Variants in DTX2 observed in about 807,000 individuals in gnomAD.
DTX2 encodes deltex E3 ubiquitin ligase 2.
In DTX2, 29 loss-of-function variants were observed where a neutral mutation model predicts 55.3. The observed-to-expected ratio is 0.52, with a 90% CI of 0.39 to 0.71. The LOEUF (loss-of-function observed/expected upper bound fraction) is 0.71, where lower values mean the gene tolerates loss of function less well. Ranked by LOEUF, DTX2 falls within the 30% of genes least tolerant of loss-of-function variation. The pLI, the probability that DTX2 is intolerant of heterozygous loss-of-function variation, is 0.00. For synonymous variants in DTX2, 276 were observed against 340.4 expected (o/e 0.81, Z 2.08); for missense variants, 537 against 822.5 (o/e 0.65, Z 4.25).
At chr7:76,502,128 C>T (rs1013367597) in intron 7 of DTX2, 170 bp from the exon 8 acceptor site, 12 of 595,758 alleles carry the variant, frequency 2.0e-5, no homozygotes, top group Non-Finnish European at 3.2e-5. Context: ...CTCAAGTGAT[C>T]GGCCTCCTAG....
Position 76,490,924 on chromosome 7 carries a change from C to T in DTX2, c.909-1229C>T, listed in dbSNP as rs1205748952. Among the ~76,000 whole-genome samples, 12 of 133,852 alleles carry T rather than the reference C, an allele frequency of 9.0e-5. No individual in the cohort carries two copies. In the South Asian group the frequency reaches 3.0e-3, roughly 34 times the overall value. 87.8% of individuals were successfully genotyped at this position (133,852 alleles called of 152,430 possible). A position where few individuals can be genotyped will look rare whatever the true frequency, so the allele number is the denominator to read the frequency against. On this transcript the variant is annotated intron_variant, in intron 4 of 10. Transcript: ENST00000430490. ...CTGACCTGTCTTTTACTGGTGATGA[C>T]GGTCATGATCATTTGCTAAAGTGGT...
intron 6 of DTX2, among the ~76,000 whole-genome samples, chr7:76,498,892 T>G: frequency 1.9e-5 from 1 of 51,566 alleles, no homozygotes; most frequent in Non-Finnish European, 3.4e-5. Flanking sequence ...GTGTGGGGTG[T>G]ATGGAGGTGT....
At position 76,505,936 on chromosome 7, in the gene DTX2, T is replaced by C. The variant is rs1812299524; in HGVS notation, c.*335T>C. On this transcript the variant is annotated 3_prime_UTR_variant, in exon 11 of 11. Transcript: ENST00000430490. The surrounding 1 kb of genome is among the most constrained non-coding windows in gnomAD (Gnocchi z 4.4). The stretch of plus-strand genomic sequence containing the variant: ...TTCCCCAGCCTGGACGGGCGTGGGT[T>C]CTGGGTCAGCTTCTTTTACCTCAAT... The C allele has an allele frequency of 2.1e-6, 1 of 482,384 alleles. No homozygotes were observed. The allele number at this position is 482,384 out of a possible 1,614,324, so 29.9% of individuals were successfully genotyped here.
At chr7:76,494,642 G>A (rs1370106468) in intron 5 of DTX2, among the ~76,000 whole-genome samples, 3 of 105,224 alleles carry the variant, frequency 2.9e-5, no homozygotes, top group African/African-American at 7.8e-5. Flanking sequence ...GTCTGTCCCC[G>A]TTGCTCTCAG....
intron 8 of DTX2, among the ~76,000 whole-genome samples, chr7:76,503,157 G>A (rs1032892817): frequency 3.0e-4 from 45 of 152,336 alleles, no homozygotes; most frequent in African/African-American, 1.1e-3. Flanking sequence ...CGATTCACCC[G>A]TGGAGATTTC....
intron 2 of DTX2, chr7:76,474,882 C>T (rs1430131652): frequency 1.3e-5 from 2 of 152,172 alleles, no homozygotes; most frequent in East Asian, 3.9e-4. Flanking sequence ...AGTAGAACAG[C>T]AGCATTCCAT....
intron 2 of DTX2, among the ~76,000 whole-genome samples, chr7:76,479,374 A>C (rs1438708982): frequency 9.8e-6 from 1 of 102,312 alleles, no homozygotes; most frequent in Non-Finnish European, 2.1e-5. Flanking sequence ...GTGCCCATCT[A>C]GGGCTTCCTT....
chr7:76,495,406 T>C (rs1037440985), intron 5 of DTX2, among the ~76,000 whole-genome samples: 14 of 151,524 alleles, frequency 9.2e-5, no homozygotes, highest in African/African-American at 3.4e-4. Flanking sequence ...CCCAGATGGG[T>C]GGAGAAAAAG....
At chr7:76,472,841 C>A (rs1808103681) in intron 2 of DTX2, among the ~76,000 whole-genome samples, 1 of 152,192 alleles carries the variant, frequency 6.6e-6, no homozygotes, top group Non-Finnish European at 1.5e-5. Flanking sequence ...TTGCCCTATG[C>A]TTCTGTTTTA....
At chr7:76,501,689 G>A (rs553600677) in intron 7 of DTX2, among the ~76,000 whole-genome samples, 2 of 152,034 alleles carry the variant, frequency 1.3e-5, no homozygotes, top group East Asian at 1.9e-4. Context: ...CCTCTTCCGG[G>A]TGCCCACTCT....
Position 76,505,068 on chromosome 7 carries a change from G to C in DTX2, c.1642-306G>C, listed in dbSNP as rs1411521873. ...CACCAGGGAGGGTGGGTGGGCGGGC[G>C]CTCGTCCAGCAACGGCTGTGGAAGC... On this transcript the variant is annotated intron_variant, in intron 10 of 10. Transcript: ENST00000430490. The surrounding 1 kb of genome is among the most constrained non-coding windows in gnomAD (Gnocchi z 4.4). 2.0e-5 allele frequency among the ~76,000 whole-genome samples: 3 copies of C among 150,872 alleles called. No homozygotes were observed. The highest frequency in any genetic ancestry group is 4.9e-5 in the African/African-American group (2 of 40,994).
intron 3 of DTX2, among the ~76,000 whole-genome samples, chr7:76,481,212 A>G (rs1248537561): frequency 2.7e-5 from 4 of 146,562 alleles, no homozygotes; most frequent in South Asian, 2.1e-4. Flanking sequence ...TTTGAGACGG[A>G]GTCTGGCTCT....
intron 6 of DTX2, among the ~76,000 whole-genome samples, chr7:76,499,018 G>A (rs1811309742): frequency 1.7e-5 from 1 of 57,626 alleles, no homozygotes. Flanking sequence ...AGAAGTGTGG[G>A]GTGTGTGAGG....
chr7:76,472,360 A>C (rs1351585056), intron 2 of DTX2, among the ~76,000 whole-genome samples: 1 of 111,298 alleles, frequency 9.0e-6, no homozygotes, highest in Non-Finnish European at 1.9e-5. Context: ...TTTGAGGCTC[A>C]TGTTGCCCAG....
chr7:76,467,170 A>T (rs1316142053), intron 2 of DTX2, among the ~76,000 whole-genome samples: 4 of 150,990 alleles, frequency 2.6e-5, no homozygotes, highest in Non-Finnish European at 5.9e-5. Context: ...AAGTGCTGGG[A>T]TGATAGACAT....
chr7:76,505,544 C>T lies in DTX2; in HGVS notation c.1812C>T (p.Asn604=), dbSNP rs1221549896. The T allele has an allele frequency of 8.1e-6, 13 of 1,607,552 alleles. No homozygotes were observed. Among genetic ancestry groups the T allele is most frequent in the Non-Finnish European group, 1.1e-5 (13 of 1,177,696 alleles). ...ATCCCGACCCCAACTACCTGCAGAACGTGCTGGCTGAGCTGGCTGCCCAGG... is the reference window on the plus strand; with the variant it reads ...ATCCCGACCCCAACTACCTGCAGAATGTGCTGGCTGAGCTGGCTGCCCAGG... The part of the protein sequence containing the change: ...HGYPDPNYLQ[N]VLAELAAQGV... The change falls in exon 11 of 11, where the codon AAC becomes AAT. Residue 604 remains asparagine, a synonymous_variant. Transcript: ENST00000430490. This position sits in a 1 kb window ranked among gnomAD's most constrained non-coding sequence, Gnocchi z 4.4.
chr7:76,481,014 G>T (rs1208013758), intron 3 of DTX2, among the ~76,000 whole-genome samples: 1 of 152,226 alleles, frequency 6.6e-6, no homozygotes, highest in Non-Finnish European at 1.5e-5. Flanking sequence ...AGAAATGCCT[G>T]TCCCGACCAC....
At position 76,503,427 on chromosome 7, in the gene DTX2, A is replaced by G; in HGVS notation, c.1391A>G (p.Asp464Gly). The stretch of plus-strand genomic sequence containing the variant: ...GTGGGTTGCGTCTGCCTCTGTCAGG[A>G]TGGAAGTCTGCAGTGTCCCTCCTGC... ...LLAMYCNGNKDGSLQCPSCKT... is the reference protein window; with the variant it reads ...LLAMYCNGNKGGSLQCPSCKT... Residue 464 changes from aspartate (D) to glycine (G), a missense_variant and splice_region_variant, in exon 9 of 11, where the codon GAT (aspartate) becomes GGT (glycine). Around this residue, in one of 7 missense-constraint regions of DTX2, gnomAD observed 121 missense variants for 136.8 expected, o/e 0.88. Coordinates refer to ENST00000430490, the MANE Select transcript of DTX2 (RefSeq NM_001102594.3). 6.2e-7 allele frequency: 1 copy of G among 1,612,274 alleles called. No homozygotes were observed. The highest frequency in any genetic ancestry group is 8.5e-7 in the Non-Finnish European group (1 of 1,179,700).
rs1466297349 is a variant in DTX2, at chr7:76,469,552, T to C, written c.-90+5843T>C. On this transcript the variant is annotated intron_variant, in intron 2 of 10. Coordinates refer to ENST00000430490, the MANE Select transcript of DTX2 (RefSeq NM_001102594.3). ...GGACTACAGGCGCTCGCCACCACAC[T>C]TGGCTAATTTTTTGTATTTTTTAGT... Among the ~76,000 whole-genome samples, 388 of 150,420 alleles carry C rather than the reference T, an allele frequency of 2.6e-3. 2 individuals are homozygous for C. Among genetic ancestry groups the C allele is most frequent in the African/African-American group, 9.2e-3 (373 of 40,570 alleles).
Sources: allele counts gnomAD v4.1 joint callset (sites outside exome capture counted in the v4.1 genomes callset), GRCh38; gene constraint gnomAD v4.1.1; regional missense constraint gnomAD v4.1.1; non-coding constraint Gnocchi (gnomAD v3.1); transcripts MANE v1.5; gene names NCBI Gene and HGNC (gene_info 2026-07-23, HGNC 2026-07-21).